The following DLG2 variants were observed in gnomAD, a reference collection of about 807,000 sequenced individuals.
DLG2 encodes discs large MAGUK scaffold protein 2.
A neutral mutation model predicts 132.5 loss-of-function variants in DLG2; 45 were observed. That is an observed-to-expected ratio of 0.34 (90% CI 0.27 to 0.44). The LOEUF (loss-of-function observed/expected upper bound fraction) is 0.44, where lower values mean the gene tolerates loss of function less well. Ranked by LOEUF, DLG2 falls within the 20% of genes least tolerant of loss-of-function variation. The probability of loss-of-function intolerance (pLI) is 1.00; values close to 1 mark genes in which losing one functional copy is unlikely to be tolerated. For missense variants in DLG2, 1,045 were observed against 1,196.9 expected, an observed-to-expected ratio of 0.87 and a Z score of 1.87; for synonymous variants, 424 against 419.6, an observed-to-expected ratio of 1.01 and a Z score of -0.13.
chr11:84,146,822 G>A lies in DLG2; in HGVS notation c.624+16639C>T, dbSNP rs140829941. ...GGAAAGAGGGTGGTGGTTTCTGATT[G>A]GGTCCTTGGGACAGTTATAACATGG... On this transcript the variant is annotated intron_variant, in intron 9 of 27. Coordinates refer to ENST00000376104, the MANE Select transcript of DLG2 (RefSeq NM_001142699.3). 3.7e-4 allele frequency among the ~76,000 whole-genome samples: 56 copies of A among 152,140 alleles called. No homozygotes were observed. In the East Asian group the frequency reaches 8.5e-3, roughly 23 times the overall value.
intron 16 of DLG2, among the ~76,000 whole-genome samples, chr11:83,873,208 T>G (rs1278945992): frequency 6.6e-6 from 1 of 152,192 alleles, no homozygotes; most frequent in Non-Finnish European, 1.5e-5. Flanking sequence ...TTGGGAAAAT[T>G]ACTTAAACTC....
chr11:85,430,680 C>T (rs889012549), intron 3 of DLG2, among the ~76,000 whole-genome samples: 4 of 152,058 alleles, frequency 2.6e-5, no homozygotes, highest in African/African-American at 7.2e-5. Context: ...TGACTGCAAA[C>T]AGGACAGGGT....
chr11:84,602,473 A>G (rs2099578349), intron 6 of DLG2, among the ~76,000 whole-genome samples: 1 of 151,288 alleles, frequency 6.6e-6, no homozygotes, highest in Non-Finnish European at 1.5e-5. Context: ...CTAAATAAGA[A>G]AGAGACAAAA....
intron 7 of DLG2, among the ~76,000 whole-genome samples, chr11:84,424,501 T>C (rs903027860): frequency 1.3e-5 from 2 of 152,092 alleles, no homozygotes; most frequent in Non-Finnish European, 2.9e-5. Flanking sequence ...TCAATTCTTA[T>C]AATAGTGCCT....
intron 15 of DLG2, among the ~76,000 whole-genome samples, chr11:83,924,970 T>C (rs2078686766): frequency 6.6e-6 from 1 of 152,092 alleles, no homozygotes; most frequent in Non-Finnish European, 1.5e-5. Context: ...TCTTTGTGTA[T>C]GTTAATGCCT....
At chr11:84,047,158 A>G (rs2096258155) in intron 11 of DLG2, among the ~76,000 whole-genome samples, 1 of 151,610 alleles carries the variant, frequency 6.6e-6, no homozygotes, top group African/African-American at 2.4e-5. Flanking sequence ...TCTTCTAAGA[A>G]GATACTTGGG....
chr11:85,511,291 G>A (rs1053345754), intron 3 of DLG2, among the ~76,000 whole-genome samples: 1 of 151,880 alleles, frequency 6.6e-6, no homozygotes, highest in African/African-American at 2.4e-5. Context: ...GTTAATGGGT[G>A]CAGCATACCA....
chr11:84,327,752 C>T (rs565329575), intron 7 of DLG2, among the ~76,000 whole-genome samples: 9 of 152,180 alleles, frequency 5.9e-5, no homozygotes, highest in South Asian at 4.1e-4. Flanking sequence ...TTACAAATTA[C>T]GTCTTTTTAT....
chr11:84,211,317 T>C (rs192643163), intron 8 of DLG2, among the ~76,000 whole-genome samples: 70 of 152,318 alleles, frequency 4.6e-4, no homozygotes, highest in African/African-American at 1.6e-3. Flanking sequence ...AATTGAGTAT[T>C]ATCCTATTAT....
intron 11 of DLG2, among the ~76,000 whole-genome samples, chr11:84,049,620 CA>C (rs1450795256): frequency 2.6e-5 from 4 of 151,782 alleles, no homozygotes; most frequent in Non-Finnish European, 4.4e-5. Flanking sequence ...TTTTAAGTAT[CA>C]CTTAATGCTT....
chr11:84,600,076 G>A (rs1388448639), intron 6 of DLG2, among the ~76,000 whole-genome samples: 3 of 138,212 alleles, frequency 2.2e-5, no homozygotes, highest in African/African-American at 5.5e-5. Context: ...GGGCCACAGA[G>A]TGACACCTTG....
At chr11:84,629,032 T>C (rs930451274) in intron 6 of DLG2, among the ~76,000 whole-genome samples, 1 of 152,222 alleles carries the variant, frequency 6.6e-6, no homozygotes, top group Admixed American at 6.5e-5. Context: ...CAGGTCTCTC[T>C]GACAAGAACA....
intron 6 of DLG2, among the ~76,000 whole-genome samples, chr11:84,831,288 T>C (rs1322495037): frequency 1.3e-5 from 2 of 151,512 alleles, no homozygotes; most frequent in Non-Finnish European, 1.5e-5. Context: ...CTATTTTACG[T>C]TGTTTCTATG....
At chr11:83,659,552 A>G (rs1179012435) in intron 18 of DLG2, among the ~76,000 whole-genome samples, 2 of 152,206 alleles carry the variant, frequency 1.3e-5, no homozygotes, top group Non-Finnish European at 2.9e-5. Flanking sequence ...TTGGCCTGTA[A>G]GGTTTTCTTA....
At chr11:83,633,411 C>T (rs927225798) in intron 18 of DLG2, 86 bp from the exon 19 acceptor site, 15 of 1,074,988 alleles carry the variant, frequency 1.4e-5, no homozygotes, top group Admixed American at 4.0e-5. Context: ...CCCTCACCCA[C>T]GTTGTTGGTT....
Position 83,999,853 on chromosome 11 carries a change from A to G in DLG2, c.920-19211T>C, listed in dbSNP as rs1185018818. On this transcript the variant is annotated intron_variant, in intron 11 of 27. Coordinates refer to ENST00000376104, the MANE Select transcript of DLG2 (RefSeq NM_001142699.3). ...CCTACACAACCAACACCATAGATAC[A>G]TCTTCAGGAAAAAAGTAATCCCCTA... 2.0e-5 allele frequency among the ~76,000 whole-genome samples: 3 copies of G among 152,286 alleles called. No individual in the cohort carries two copies. In the South Asian group the frequency reaches 6.2e-4, roughly 32 times the overall value.
At chr11:84,507,607 T>G (rs1457382020) in intron 7 of DLG2, among the ~76,000 whole-genome samples, 1 of 152,224 alleles carries the variant, frequency 6.6e-6, no homozygotes, top group African/African-American at 2.4e-5. Flanking sequence ...GGCTGCAGGT[T>G]TATCATATAT....
chr11:83,793,775 G>C (rs2042140471), intron 17 of DLG2, among the ~76,000 whole-genome samples: 1 of 152,100 alleles, frequency 6.6e-6, no homozygotes, highest in Non-Finnish European at 1.5e-5. Flanking sequence ...TCAGCAAATA[G>C]TATCTATTAT....
intron 7 of DLG2, among the ~76,000 whole-genome samples, chr11:84,313,640 A>AAAAAGAAAGAAAG (rs2098320580): frequency 8.3e-6 from 1 of 120,858 alleles, no homozygotes; most frequent in Admixed American, 9.0e-5. Flanking sequence ...GGAAAGAGAG[A>AAAAAGAAAGAAAG]AAAAGAAAGA....
Sources: gnomAD v4.1 joint callset for allele counts (sites outside exome capture counted in the v4.1 genomes callset) on GRCh38, gnomAD v4.1.1 for gene constraint, MANE v1.5 for transcripts, NCBI Gene and HGNC (gene_info 2026-07-23, HGNC 2026-07-21) for gene names.